KSR2: variants seen among roughly 807,000 people sequenced by gnomAD.
KSR2 encodes the protein kinase suppressor of ras 2.
In KSR2, 25 loss-of-function variants were observed where a neutral mutation model predicts 107.8. That is an observed-to-expected ratio of 0.23 (90% confidence interval 0.17 to 0.32). The LOEUF (loss-of-function observed/expected upper bound fraction) is 0.32. Ranked by LOEUF, KSR2 falls within the 10% of genes least tolerant of loss-of-function variation. The probability of loss-of-function intolerance (pLI) is 1.00; values close to 1 mark genes in which losing one functional copy is unlikely to be tolerated. For missense variants in KSR2, 887 were observed against 1,268.9 expected, an observed-to-expected ratio of 0.70 and a Z score of 4.57; for synonymous variants, 480 against 507.0, an observed-to-expected ratio of 0.95 and a Z score of 0.71.
At chr12:117,536,756 G>A (rs982193595) in intron 10 of KSR2, among the ~76,000 whole-genome samples, 4 of 152,210 alleles carry the variant, frequency 2.6e-5, no homozygotes, top group African/African-American at 7.2e-5. Context: ...GGATATATGT[G>A]TGTATTCAAC....
At chr12:117,730,290 G>C (rs1887608777) in intron 4 of KSR2, among the ~76,000 whole-genome samples, 1 of 152,116 alleles carries the variant, frequency 6.6e-6, no homozygotes, top group African/African-American at 2.4e-5. Context: ...CACTACAACG[G>C]ATGATGATAA....
At chr12:117,683,765 G>A (rs1325958861) in intron 4 of KSR2, among the ~76,000 whole-genome samples, 1 of 152,180 alleles carries the variant, frequency 6.6e-6, no homozygotes, top group East Asian at 1.9e-4. Flanking sequence ...AATAAAGAAA[G>A]GGAGAGGAAA....
At chr12:117,554,891 T>C (rs1459320751) in intron 9 of KSR2, among the ~76,000 whole-genome samples, 2 of 152,182 alleles carry the variant, frequency 1.3e-5, no homozygotes, top group Non-Finnish European at 2.9e-5. Flanking sequence ...GGAAACTCCT[T>C]TTAAGTCTCT....
chr12:117,618,589 C>G (rs558835997), intron 5 of KSR2, among the ~76,000 whole-genome samples: 1 of 151,888 alleles, frequency 6.6e-6, no homozygotes, highest in Non-Finnish European at 1.5e-5. Flanking sequence ...GTGGGAGGGA[C>G]CCAGTAGGAG....
At chr12:117,519,894 C>T (rs1874634305) in intron 14 of KSR2, among the ~76,000 whole-genome samples, 1 of 152,078 alleles carries the variant, frequency 6.6e-6, no homozygotes, top group Admixed American at 6.5e-5. Context: ...AAAAATGAAA[C>T]TCAGTTCTAA....
chr12:117,716,660 T>C (rs1188706308), intron 4 of KSR2, among the ~76,000 whole-genome samples: 2 of 152,244 alleles, frequency 1.3e-5, no homozygotes, highest in African/African-American at 4.8e-5. Context: ...GTAGTGCTGG[T>C]CTAGAACTGC....
intron 4 of KSR2, among the ~76,000 whole-genome samples, chr12:117,742,854 C>G (rs1325819853): frequency 6.6e-6 from 1 of 152,182 alleles, no homozygotes; most frequent in Admixed American, 6.5e-5. Context: ...AAGCCACCAC[C>G]CTCTCTGCAA....
rs548731534 is a variant in KSR2, at chr12:117,625,647, T to G, written c.1171+41827A>C. Reference sequence around the variant, plus strand: ...TTTTCGCATTGATGTTCATCAGGGATATTGGTCTAAAATTTTCTTTTTTTG... The same window carrying G: ...TTTTCGCATTGATGTTCATCAGGGAGATTGGTCTAAAATTTTCTTTTTTTG... On this transcript the variant is annotated intron_variant, in intron 5 of 19. Transcript: ENST00000339824. 2.6e-5 allele frequency among the ~76,000 whole-genome samples: 4 copies of G among 152,302 alleles called. No individual in the cohort carries two copies. In the East Asian group the frequency reaches 7.7e-4, roughly 29 times the overall value.
chr12:117,534,436 T>C (rs924077560), intron 10 of KSR2, among the ~76,000 whole-genome samples: 1 of 152,138 alleles, frequency 6.6e-6, no homozygotes, highest in Non-Finnish European at 1.5e-5. Context: ...AACCTAAATC[T>C]GTTCTCTTGC....
rs376998902 is a variant in KSR2, at chr12:117,672,630, C to CT, written c.987-4973dup. 1.6e-3 allele frequency among the ~76,000 whole-genome samples: 233 copies of CT among 147,240 alleles called. 1 individual carries two copies. Among genetic ancestry groups the CT allele is most frequent in the East Asian group, 6.8e-3 (34 of 5,036 alleles). On this transcript the variant is annotated intron_variant, in intron 4 of 19. Transcript: ENST00000339824. ...ATTTTCACCCGAAATATCCAACAAA[C>CT]TTTTTTTTTTTTGAGACTGAGTCTT...
chr12:117,912,922 T>C (rs1895063148), intron 1 of KSR2, among the ~76,000 whole-genome samples: 1 of 151,984 alleles, frequency 6.6e-6, no homozygotes, highest in Admixed American at 6.6e-5. Flanking sequence ...AAGAAACAAA[T>C]CATTGGCAGC....
intron 3 of KSR2, among the ~76,000 whole-genome samples, chr12:117,847,971 G>A (rs886338927): frequency 1.3e-5 from 2 of 152,166 alleles, no homozygotes; most frequent in African/African-American, 4.8e-5. Context: ...AGGGGGAAAA[G>A]GAGGGAAGGG....
intron 5 of KSR2, among the ~76,000 whole-genome samples, chr12:117,656,104 A>T (rs1284356243): frequency 6.6e-6 from 1 of 152,252 alleles, no homozygotes; most frequent in Non-Finnish European, 1.5e-5. Flanking sequence ...AGCTGCAGCA[A>T]TGAGGACTAT....
chr12:117,596,145 G>A (rs1447351742), intron 5 of KSR2, among the ~76,000 whole-genome samples: 1 of 150,930 alleles, frequency 6.6e-6, no homozygotes, highest in Non-Finnish European at 1.5e-5. Flanking sequence ...AGGTTTGATG[G>A]AATCACAGTT....
At chr12:117,764,454 G>A (rs1286058008) in intron 3 of KSR2, among the ~76,000 whole-genome samples, 1 of 152,100 alleles carries the variant, frequency 6.6e-6, no homozygotes, top group Non-Finnish European at 1.5e-5. Flanking sequence ...ATGGTAACTG[G>A]CAGCCAGATT....
chr12:117,744,717 T>A (rs963530285), intron 4 of KSR2, among the ~76,000 whole-genome samples: 33 of 152,218 alleles, frequency 2.2e-4, no homozygotes, highest in Non-Finnish European at 4.4e-5. Context: ...TCTGTTTTCA[T>A]GCTTGATCCA....
chr12:117,705,898 G>C (rs1369501388), intron 4 of KSR2, among the ~76,000 whole-genome samples: 1 of 152,102 alleles, frequency 6.6e-6, no homozygotes, highest in African/African-American at 2.4e-5. Context: ...ACCACTGTGA[G>C]CCTCAGTGTA....
intron 1 of KSR2, among the ~76,000 whole-genome samples, chr12:117,924,572 CAAA>C (rs58789868): frequency 5.1e-4 from 20 of 39,520 alleles, no homozygotes; most frequent in African/African-American, 1.4e-3. Flanking sequence ...AGCTCCATCT[CAAA>C]AAAAAAAAAA....
At chr12:117,714,075 G>T (rs894910455) in intron 4 of KSR2, among the ~76,000 whole-genome samples, 1 of 151,948 alleles carries the variant, frequency 6.6e-6, no homozygotes, top group South Asian at 2.1e-4. Flanking sequence ...GTGAGGGGGG[G>T]AGCAGCAGCT....
Sources: allele counts gnomAD v4.1 joint callset (sites outside exome capture counted in the v4.1 genomes callset), GRCh38; gene constraint gnomAD v4.1.1; transcripts MANE v1.5; gene names NCBI Gene and HGNC (gene_info 2026-07-23, HGNC 2026-07-21).